The following ZNF407 variants were observed in gnomAD, a reference collection of about 807,000 sequenced individuals.
The protein encoded by ZNF407 is zinc finger protein 407.
A neutral mutation model predicts 131.2 loss-of-function variants in ZNF407; 17 were observed. The ratio of observed to expected loss-of-function variants is 0.13; its 90% confidence interval spans 0.09 to 0.19. ZNF407 has a LOEUF of 0.19. Among genes scored for constraint, ZNF407 ranks in the 10% least tolerant of loss-of-function variants. The pLI, the probability that ZNF407 is intolerant of heterozygous loss-of-function variation, is 1.00. For synonymous variants in ZNF407, 1,156 were observed against 1,062.0 expected (o/e 1.09, Z -1.72); for missense variants, 2,681 against 2,830.6 (o/e 0.95, Z 1.20).
intron 8 of ZNF407, among the ~76,000 whole-genome samples, chr18:74,957,274 A>G (rs1972286523): frequency 6.6e-6 from 1 of 152,108 alleles, no homozygotes; most frequent in Admixed American, 6.6e-5. Flanking sequence ...CATGGGGGCA[A>G]CCGGCACAGT....
intron 4 of ZNF407, among the ~76,000 whole-genome samples, chr18:74,823,061 C>A (rs1342027399): frequency 6.6e-6 from 1 of 152,116 alleles, no homozygotes; most frequent in Non-Finnish European, 1.5e-5. Flanking sequence ...TGATTTGGCT[C>A]TCCATTTGTC....
chr18:74,769,610 A>G (rs762822162), intron 3 of ZNF407, among the ~76,000 whole-genome samples: 2 of 152,194 alleles, frequency 1.3e-5, no homozygotes, highest in Non-Finnish European at 2.9e-5. Flanking sequence ...GTATTTTTTA[A>G]AACAATTCAG....
intron 7 of ZNF407, among the ~76,000 whole-genome samples, chr18:74,913,416 G>A (rs901457642): frequency 6.6e-6 from 1 of 152,180 alleles, no homozygotes; most frequent in Non-Finnish European, 1.5e-5. Flanking sequence ...AGACATGTAG[G>A]GGAGATAAGC....
rs546315864 is a variant in ZNF407 at position 74,811,900 on chromosome 18, A to T, written c.4877+30398A>T. Among the ~76,000 whole-genome samples the T allele has an allele frequency of 2.0e-4, 29 of 146,606 alleles. No individual in the cohort carries two copies. The East Asian group carries it at 5.7e-3, about 29-fold the overall frequency. ...GGGGTAAGGGGAAGGGGGAGGGGGGAGGGATAGCATTAGGAGATATACCTA... is the reference window on the plus strand; with the variant it reads ...GGGGTAAGGGGAAGGGGGAGGGGGGTGGGATAGCATTAGGAGATATACCTA... On this transcript the variant is annotated intron_variant, in intron 4 of 8. Coordinates refer to ENST00000299687, the MANE Select transcript of ZNF407 (RefSeq NM_017757.3).
At chr18:74,808,075 G>A (rs570323601) in intron 4 of ZNF407, among the ~76,000 whole-genome samples, 31 of 151,806 alleles carry the variant, frequency 2.0e-4, no homozygotes, top group East Asian at 3.9e-4. Context: ...GTTCGATGGC[G>A]CGATCTCGGC....
intron 8 of ZNF407, among the ~76,000 whole-genome samples, chr18:74,921,567 A>G (rs192619971): frequency 3.2e-4 from 48 of 152,274 alleles, no homozygotes; most frequent in African/African-American, 1.0e-3. Context: ...TATTGGCCAT[A>G]TGACCTCAGG....
intron 4 of ZNF407, among the ~76,000 whole-genome samples, chr18:74,853,551 A>G (rs1175318962): frequency 5.3e-5 from 8 of 152,200 alleles, no homozygotes; most frequent in Non-Finnish European, 8.8e-5. Flanking sequence ...TCTTTTTCAT[A>G]AAGTTTTAAA....
At chr18:74,953,735 T>A (rs1454714202) in intron 8 of ZNF407, among the ~76,000 whole-genome samples, 1 of 152,234 alleles carries the variant, frequency 6.6e-6, no homozygotes, top group Non-Finnish European at 1.5e-5. Context: ...CTCCTGACAA[T>A]ATGACCACAG....
intron 4 of ZNF407, among the ~76,000 whole-genome samples, chr18:74,796,038 C>T (rs1969913566): frequency 6.6e-6 from 1 of 152,214 alleles, no homozygotes; most frequent in Non-Finnish European, 1.5e-5. Context: ...GCATGCAAAT[C>T]GGCTGCTCTT....
Position 74,632,285 on chromosome 18 carries a change from G to A in ZNF407, c.1266G>A (p.Val422=). The change falls in exon 2 of 9, where the codon GTG becomes GTA. Residue 422 remains valine (V), a synonymous_variant. Transcript: ENST00000299687. The stretch of plus-strand genomic sequence containing the variant: ...CAAGACCTGAGCGAAATATTCTCGT[G>A]TTGGGTAATAGCTTTCGTCGACGAA... ...SRPRPERNIL[V]LGNSFRRRSS... is the part of the protein sequence containing the mutation. 1 of 1,613,938 alleles carries A rather than the reference G, an allele frequency of 6.2e-7. No homozygotes were observed. The highest frequency in any genetic ancestry group is 8.5e-7 in the Non-Finnish European group (1 of 1,179,890).
At chr18:75,032,125 A>G (rs964208478) in intron 8 of ZNF407, among the ~76,000 whole-genome samples, 1 of 152,020 alleles carries the variant, frequency 6.6e-6, no homozygotes, top group Non-Finnish European at 1.5e-5. Context: ...CTCCCCCCAC[A>G]CTGAGGGGTT....
intron 3 of ZNF407, among the ~76,000 whole-genome samples, chr18:74,740,964 T>C (rs1968535291): frequency 6.6e-6 from 1 of 152,194 alleles, no homozygotes; most frequent in South Asian, 2.1e-4. Flanking sequence ...TATAGTTGTC[T>C]CTGGGAAAAC....
At chr18:74,858,661 A>G (rs1055168625) in intron 4 of ZNF407, among the ~76,000 whole-genome samples, 1 of 152,216 alleles carries the variant, frequency 6.6e-6, no homozygotes, top group Non-Finnish European at 1.5e-5. Context: ...CTGTTCAGTC[A>G]TCTTCCACTT....
At chr18:74,959,369 T>C (rs1000316718) in intron 8 of ZNF407, among the ~76,000 whole-genome samples, 9 of 152,230 alleles carry the variant, frequency 5.9e-5, no homozygotes, top group African/African-American at 2.2e-4. Context: ...GGTTTGAATT[T>C]GGACTCTGGC....
intron 1 of ZNF407, among the ~76,000 whole-genome samples, chr18:74,624,323 C>T (rs564339533): frequency 1.3e-5 from 2 of 152,258 alleles, no homozygotes; most frequent in South Asian, 2.1e-4. Context: ...AGACCCGTTC[C>T]GGCTCTGTTG....
chr18:74,690,514 A>G (rs1967196225), intron 3 of ZNF407, among the ~76,000 whole-genome samples: 2 of 151,498 alleles, frequency 1.3e-5, no homozygotes, highest in Non-Finnish European at 2.9e-5. Flanking sequence ...TTTAGCCATT[A>G]TGATATTTGA....
intron 8 of ZNF407, among the ~76,000 whole-genome samples, chr18:74,968,566 C>T (rs1972435462): frequency 6.6e-6 from 1 of 152,196 alleles, no homozygotes; most frequent in Non-Finnish European, 1.5e-5. Context: ...TTTTGCCAGA[C>T]AGGACTCACA....
chr18:74,894,071 T>A (rs1265314078), intron 7 of ZNF407, among the ~76,000 whole-genome samples: 1 of 152,116 alleles, frequency 6.6e-6, no homozygotes, highest in Non-Finnish European at 1.5e-5. Flanking sequence ...CAAAATAACT[T>A]TATAATTGGT....
At chr18:74,843,354 A>C (rs775010442) in intron 4 of ZNF407, among the ~76,000 whole-genome samples, 6 of 152,216 alleles carry the variant, frequency 3.9e-5, no homozygotes, top group Non-Finnish European at 8.8e-5. Flanking sequence ...TTAAGATTAC[A>C]GAGTTAAAAA....
Sources: allele counts gnomAD v4.1 joint callset (sites outside exome capture counted in the v4.1 genomes callset), GRCh38; gene constraint gnomAD v4.1.1; transcripts MANE v1.5; gene names NCBI Gene and HGNC (gene_info 2026-07-23, HGNC 2026-07-21).